Variants in RIC8B observed in about 807,000 individuals in gnomAD.
RIC8B encodes the protein chaperone Ric-8B.
Under a neutral mutation model 57.5 loss-of-function variants are expected in RIC8B, and 16 were observed. That is an observed-to-expected ratio of 0.28 (90% CI 0.19 to 0.42). The LOEUF (loss-of-function observed/expected upper bound fraction) is 0.42. RIC8B is among the 10% of genes least tolerant of loss of function. RIC8B has a pLI of 1.00. For synonymous variants in RIC8B, 216 were observed against 250.8 expected (o/e 0.86, Z 1.31); for missense variants, 481 against 677.0 (o/e 0.71, Z 3.21).
At chr12:106,858,362 A>G (rs1292646327) in intron 7 of RIC8B, among the ~76,000 whole-genome samples, 1 of 152,170 alleles carries the variant, frequency 6.6e-6, no homozygotes, top group African/African-American at 2.4e-5. Context: ...AGCATCACCT[A>G]CTATCTGTAA....
chr12:106,812,055 T>A (rs2045358089), intron 2 of RIC8B, among the ~76,000 whole-genome samples: 1 of 152,186 alleles, frequency 6.6e-6, no homozygotes, highest in Non-Finnish European at 1.5e-5. Flanking sequence ...ATTTTTTACG[T>A]GTTTTTGGTT....
intron 4 of RIC8B, among the ~76,000 whole-genome samples, chr12:106,827,213 C>A (rs1444221201): frequency 1.3e-5 from 2 of 152,186 alleles, no homozygotes; most frequent in East Asian, 3.8e-4. Context: ...CATTCTGGAT[C>A]AGATTTACAA....
In RIC8B at chr12:106,867,224, T is replaced by C. The variant is rs970760973; in HGVS notation, c.1452-3599T>C. Reference sequence around the variant, plus strand: ...TGTTCATTTGTCCATACCTTTTTAGTGTGTCTTAATCCTTTTGTCTCCAGG... The same window carrying C: ...TGTTCATTTGTCCATACCTTTTTAGCGTGTCTTAATCCTTTTGTCTCCAGG... On this transcript the variant is annotated intron_variant, in intron 8 of 9. Coordinates refer to ENST00000392837, the MANE Select transcript of RIC8B (RefSeq NM_001330145.2). The surrounding 1 kb of genome is among the most constrained non-coding windows in gnomAD (Gnocchi z 4.3). Among the ~76,000 whole-genome samples, 1 of 152,234 alleles carries C rather than the reference T, an allele frequency of 6.6e-6. No homozygotes were observed. Among genetic ancestry groups the C allele is most frequent in the African/African-American group, 2.4e-5 (1 of 41,458 alleles).
chr12:106,862,145 A>G (rs1252668657), intron 8 of RIC8B, among the ~76,000 whole-genome samples: 2 of 152,076 alleles, frequency 1.3e-5, no homozygotes, highest in Non-Finnish European at 2.9e-5. Flanking sequence ...TAAGCCTTAC[A>G]TCCCTAATTA....
intron 8 of RIC8B, among the ~76,000 whole-genome samples, chr12:106,863,021 C>T (rs1950001860): frequency 6.6e-6 from 1 of 152,078 alleles, no homozygotes; most frequent in African/African-American, 2.4e-5. Flanking sequence ...CAAAGGGAAA[C>T]CAAATTTCTA....
chr12:106,791,303 A>G (rs1475129941), intron 2 of RIC8B, among the ~76,000 whole-genome samples: 3 of 152,350 alleles, frequency 2.0e-5, no homozygotes, highest in East Asian at 3.9e-4. Context: ...TGTTTTTTAA[A>G]CTGTTCTTTT....
chr12:106,856,312 T>G (rs1460428035), intron 7 of RIC8B, among the ~76,000 whole-genome samples: 1 of 152,212 alleles, frequency 6.6e-6, no homozygotes, highest in Non-Finnish European at 1.5e-5. Flanking sequence ...TATAAAACTT[T>G]CAGTGATTCT....
rs1171914496 is a variant in RIC8B, at chr12:106,887,786, C to G, written c.*1771C>G. The G allele has an allele frequency of 6.6e-6, 1 of 152,224 alleles. No individual in the cohort carries two copies. Among genetic ancestry groups the G allele is most frequent in the Middle Eastern group, 3.2e-3 (1 of 314 alleles). 9.4% of individuals were successfully genotyped at this position (152,224 alleles called of 1,614,324 possible). A position where few individuals can be genotyped will look rare whatever the true frequency, so the allele number is the denominator to read the frequency against. On this transcript the variant is annotated 3_prime_UTR_variant, in exon 10 of 10. Transcript: ENST00000392837. ...GACTGTCTACTTACCAAAGGATACT[C>G]TAGTTGACCCAGAAAATGTGTGTAC...
At chr12:106,831,524 A>G (rs949179256) in intron 4 of RIC8B, among the ~76,000 whole-genome samples, 3 of 152,078 alleles carry the variant, frequency 2.0e-5, no homozygotes, top group African/African-American at 7.2e-5. Flanking sequence ...CTTAGTTTTT[A>G]TTATGGATAT....
chr12:106,871,492 A>AAC (rs1465546745), intron 9 of RIC8B: 3 of 137,910 alleles, frequency 2.2e-5, no homozygotes, highest in Admixed American at 2.2e-4. Flanking sequence ...AAAAAAAAAA[A>AAC]AAAAAACCAA....
At chr12:106,864,686 A>G (rs994823164) in intron 8 of RIC8B, among the ~76,000 whole-genome samples, 2 of 152,164 alleles carry the variant, frequency 1.3e-5, no homozygotes, top group Admixed American at 6.6e-5. Flanking sequence ...GGGATAAAAT[A>G]TGTAACATCA....
At chr12:106,809,219 A>C (rs1182316138) in intron 2 of RIC8B, among the ~76,000 whole-genome samples, 1 of 152,146 alleles carries the variant, frequency 6.6e-6, no homozygotes, top group African/African-American at 2.4e-5. Context: ...CAATCATTTA[A>C]CGTTTTAAGA....
intron 2 of RIC8B, among the ~76,000 whole-genome samples, chr12:106,793,840 C>G (rs2044361204): frequency 6.8e-6 from 1 of 146,110 alleles, no homozygotes; most frequent in South Asian, 2.1e-4. Context: ...AACAAATAAA[C>G]AAATACAATA....
chr12:106,854,457 A>C (rs1369648897), intron 7 of RIC8B, among the ~76,000 whole-genome samples: 1 of 152,210 alleles, frequency 6.6e-6, no homozygotes, highest in East Asian at 1.9e-4. Context: ...AGAGACAGAC[A>C]GTAAGCAGCA....
chr12:106,842,508 T>C, intron 4 of RIC8B, 81 bp from the exon 5 acceptor site: 1 of 1,172,580 alleles, frequency 8.5e-7, no homozygotes, highest in South Asian at 1.5e-5. Context: ...TAAAAGTCAC[T>C]TTTGAACTTC....
chr12:106,851,399 A>C, intron 6 of RIC8B, 51 bp from the exon 7 acceptor site: 1 of 1,573,214 alleles, frequency 6.4e-7, no homozygotes, highest in South Asian at 1.1e-5. Context: ...TACCATCCTC[A>C]CTCACTCTAG....
At position 106,822,105 on chromosome 12, in the gene RIC8B, GA is replaced by G. The variant is rs1162744633; in HGVS notation, c.742-3612del. 5.1e-5 allele frequency among the ~76,000 whole-genome samples: 6 copies of G among 117,834 alleles called. No homozygotes were observed. In the South Asian group the frequency reaches 8.3e-4, roughly 16 times the overall value. The allele number at this position is 117,834 out of a possible 152,430, so 77.3% of individuals were successfully genotyped here. On this transcript the variant is annotated intron_variant, in intron 3 of 9. Coordinates refer to ENST00000392837, the MANE Select transcript of RIC8B (RefSeq NM_001330145.2). ...AAAAAAAAAAAAAAAAAAAAAAGAA[GA>G]AAAAAAAAGAAAAGCAAAGGGCTTG...
At chr12:106,885,352 A>T (rs1190950823) in intron 9 of RIC8B, among the ~76,000 whole-genome samples, 1 of 152,082 alleles carries the variant, frequency 6.6e-6, no homozygotes, top group Non-Finnish European at 1.5e-5. Context: ...AGAGAGAGAG[A>T]AGGAAAGAAA....
At chr12:106,850,432 A>C (rs1949416185) in intron 6 of RIC8B, among the ~76,000 whole-genome samples, 1 of 152,270 alleles carries the variant, frequency 6.6e-6, no homozygotes. Context: ...AGAGGCTGAG[A>C]CAAAGCAACC....
Sources: allele counts gnomAD v4.1 joint callset (sites outside exome capture counted in the v4.1 genomes callset), GRCh38; gene constraint gnomAD v4.1.1; non-coding constraint Gnocchi (gnomAD v3.1); transcripts MANE v1.5; gene names NCBI Gene and HGNC (gene_info 2026-07-23, HGNC 2026-07-21).